UPP1: variants seen among roughly 807,000 people sequenced by gnomAD.
UPP1 encodes the protein uridine phosphorylase 1.
In UPP1, 25 loss-of-function variants were observed where a neutral mutation model predicts 29.6. The ratio of observed to expected loss-of-function variants is 0.85; its 90% CI spans 0.62 to 1.18. The LOEUF (loss-of-function observed/expected upper bound fraction) is 1.18, where lower values mean the gene tolerates loss of function less well. UPP1 is among the 50% of genes most tolerant of loss of function. UPP1 has a pLI of 0.00. For synonymous variants in UPP1, 165 were observed against 159.8 expected, an observed-to-expected ratio of 1.03 and a Z score of -0.25; for missense variants, 368 against 410.4, an observed-to-expected ratio of 0.90 and a Z score of 0.89.
intron 3 of UPP1, among the ~76,000 whole-genome samples, 200 bp from the exon 4 acceptor site, chr7:48,099,470 G>A (rs569110058): frequency 6.6e-6 from 1 of 152,172 alleles, no homozygotes; most frequent in African/African-American, 2.4e-5. Context: ...AGCAACAGGG[G>A]TTAAGAGGGA....
At chr7:48,097,459 C>T (rs1392831312) in intron 3 of UPP1, among the ~76,000 whole-genome samples, 3 of 152,102 alleles carry the variant, frequency 2.0e-5, no homozygotes, top group Non-Finnish European at 4.4e-5. Flanking sequence ...GTCTCGAATT[C>T]CTGGGCTCAA....
chr7:48,091,288 G>T (rs1228026529), intron 2 of UPP1, among the ~76,000 whole-genome samples: 2 of 144,180 alleles, frequency 1.4e-5, no homozygotes. Context: ...AACATCTTCA[G>T]TTTTTTTTTT....
chr7:48,107,521 G>A lies in UPP1; in HGVS notation c.793+14G>A. The A allele has an allele frequency of 6.3e-7, 1 of 1,594,612 alleles. No homozygotes were observed. The highest frequency in any genetic ancestry group is 2.2e-5 in the East Asian group (1 of 44,556). On this transcript the variant is annotated intron_variant, in intron 8 of 8. Transcript: ENST00000395564. ...GCGGCCTCCAAGGTAAGCGGCACTT[G>A]ATGGGCCTCGGCGTCCCCTCCTCCC...
At position 48,108,363 on chromosome 7, in the gene UPP1, G is replaced by C; in HGVS notation, c.*6G>C. Reference sequence around the variant, plus strand: ...AGAAACTGAGCAAGGCCTGAGCGCTGCCCTGCACCTCCGCAGACCTGCTGT... The same window carrying C: ...AGAAACTGAGCAAGGCCTGAGCGCTCCCCTGCACCTCCGCAGACCTGCTGT... On this transcript the variant is annotated 3_prime_UTR_variant, in exon 9 of 9. Transcript: ENST00000395564. 3.1e-6 allele frequency: 5 copies of C among 1,610,936 alleles called. No individual in the cohort carries two copies. The highest frequency in any genetic ancestry group is 4.2e-6 in the Non-Finnish European group (5 of 1,177,506).
At chr7:48,099,639 A>G (rs1225742852) in intron 3 of UPP1, 31 bp from the exon 4 acceptor site, 7 of 1,497,674 alleles carry the variant, frequency 4.7e-6, no homozygotes, top group South Asian at 2.3e-5. Flanking sequence ...CTGATGTTCT[A>G]TAAGCCTTCC....
In UPP1 at chr7:48,099,729, A is replaced by C; in HGVS notation, c.104A>C (p.Tyr35Ser). ...NIAKMKEDIL[Y>S]HFNLTTSRHN... The stretch of plus-strand genomic sequence containing the variant: ...GCAAAAATGAAAGAAGATATTCTCT[A>C]TCATTTCAATCTCACCACTAGCAGA... The change falls in exon 4 of 9, where the codon TAT (tyrosine) becomes TCT (serine). Residue 35 changes from tyrosine to serine, a missense_variant. Transcript: ENST00000395564. The C allele has an allele frequency of 6.2e-7, 1 of 1,614,006 alleles. No individual in the cohort carries two copies. Among genetic ancestry groups the C allele is most frequent in the South Asian group, 1.1e-5 (1 of 91,082 alleles).
chr7:48,108,408 C>T lies in UPP1; in HGVS notation c.*51C>T. On this transcript the variant is annotated 3_prime_UTR_variant, in exon 9 of 9. Transcript: ENST00000395564. The stretch of plus-strand genomic sequence containing the variant: ...TGCTGTGATGACTTGCCATTAAAAG[C>T]ATTGTCCAAAATCCCCTGTTGTGTG... The T allele has an allele frequency of 6.4e-7, 1 of 1,574,238 alleles. No homozygotes were observed. The highest frequency in any genetic ancestry group is 8.7e-7 in the Non-Finnish European group (1 of 1,152,754).
chr7:48,103,633 A>G, intron 6 of UPP1: 1 of 891,334 alleles, frequency 1.1e-6, no homozygotes, highest in Non-Finnish European at 1.6e-6. Context: ...GAAGGGCACC[A>G]CACCATGCAT....
At position 48,107,234 on chromosome 7, in the gene UPP1, TGGTCATTATAGGCAG is replaced by T; in HGVS notation, c.647-125_647-111del. 3 of 1,397,564 alleles carry T rather than the reference TGGTCATTATAGGCAG, an allele frequency of 2.1e-6. No homozygotes were observed. In the South Asian group the frequency reaches 3.9e-5, roughly 18 times the overall value. The allele number at this position is 1,397,564 out of a possible 1,614,324, so 86.6% of individuals were successfully genotyped here. A position where few individuals can be genotyped will look rare whatever the true frequency, so the allele number is the denominator to read the frequency against. On this transcript the variant is annotated intron_variant, in intron 7 of 8. Transcript: ENST00000395564. ...GAGTGGTTATAATGACCCGTTTGAGTGGTCATTATAGGCAGGACCTGGATGGGTCTTGCTTGTCCC... is the reference window on the plus strand; with the variant it reads ...GAGTGGTTATAATGACCCGTTTGAGTGACCTGGATGGGTCTTGCTTGTCCC...
At chr7:48,107,281 C>T (rs966874330) in intron 7 of UPP1, 80 bp from the exon 8 acceptor site, 3 of 1,534,572 alleles carry the variant, frequency 2.0e-6, no homozygotes, top group Non-Finnish European at 2.7e-6. Context: ...TCCCTGTGTC[C>T]TTCTGGGCAT....
intron 6 of UPP1, among the ~76,000 whole-genome samples, chr7:48,104,150 G>A (rs531774623): frequency 6.6e-5 from 10 of 152,082 alleles, no homozygotes; most frequent in East Asian, 1.9e-4. Context: ...CCCGGGAGGC[G>A]GAGGTTGCAG....
chr7:48,093,060 A>G (rs1791932336), intron 2 of UPP1, among the ~76,000 whole-genome samples: 1 of 152,118 alleles, frequency 6.6e-6, no homozygotes. Context: ...AATCAACAAC[A>G]CCACACCTTA....
chr7:48,099,283 T>A (rs1792288945), intron 3 of UPP1, among the ~76,000 whole-genome samples: 1 of 152,250 alleles, frequency 6.6e-6, no homozygotes. Flanking sequence ...TCATATTTCC[T>A]ATGGTAAACA....
rs982488708 is a variant in UPP1, at chr7:48,104,425, G to A, written c.436+1014G>A. ...TAAAAACTGGGTTCTAGTGATTCCT[G>A]CTCCCACCGAGGTGTTCAGAGCTCA... is the stretch of plus-strand genomic sequence containing the variant. On this transcript the variant is annotated intron_variant, in intron 6 of 8. Transcript: ENST00000395564. 5.3e-5 allele frequency among the ~76,000 whole-genome samples: 8 copies of A among 152,132 alleles called. No homozygotes were observed. The South Asian group carries it at 1.5e-3, about 28-fold the overall frequency.
chr7:48,092,246 C>A (rs1204354986), intron 2 of UPP1, among the ~76,000 whole-genome samples: 1 of 152,152 alleles, frequency 6.6e-6, no homozygotes, highest in Admixed American at 6.5e-5. Context: ...ATGTTCCTGC[C>A]CCACAGAAAC....
intron 1 of UPP1, chr7:48,089,655 C>T (rs1162071051): frequency 1.3e-5 from 2 of 152,020 alleles, no homozygotes; most frequent in African/African-American, 4.8e-5. Context: ...GGGGGAAGCG[C>T]GCGGGCGGGA....
chr7:48,096,790 C>T (rs1171172624), intron 3 of UPP1, among the ~76,000 whole-genome samples: 1 of 152,128 alleles, frequency 6.6e-6, no homozygotes, highest in Admixed American at 6.5e-5. Context: ...ACCTCTGCCT[C>T]CTGGGCTCAA....
intron 5 of UPP1, among the ~76,000 whole-genome samples, chr7:48,102,733 C>CA (rs1409168976): frequency 2.0e-5 from 3 of 152,114 alleles, no homozygotes; most frequent in Non-Finnish European, 4.4e-5. Flanking sequence ...CGGGGAGAGG[C>CA]ATCACAGAAG....
chr7:48,091,874 C>G (rs1012230610), intron 2 of UPP1, among the ~76,000 whole-genome samples: 5 of 152,120 alleles, frequency 3.3e-5, no homozygotes, highest in Admixed American at 2.0e-4. Context: ...GCTGATGTGG[C>G]CTTGGTTTCT....
Sources: allele counts gnomAD v4.1 joint callset (sites outside exome capture counted in the v4.1 genomes callset), GRCh38; gene constraint gnomAD v4.1.1; transcripts MANE v1.5; gene names NCBI Gene and HGNC (gene_info 2026-07-23, HGNC 2026-07-21).